The following PARD3B variants were observed in gnomAD, a reference collection of about 807,000 sequenced individuals.
PARD3B encodes par-3 family cell polarity regulator beta.
PARD3B carries 103 observed loss-of-function variants against 130.2 expected under a neutral mutation model. That is an observed-to-expected ratio of 0.79 (90% CI 0.67 to 0.93). The LOEUF (loss-of-function observed/expected upper bound fraction) is 0.93. PARD3B is among the 40% of genes least tolerant of loss of function. The pLI is 0.00. For synonymous variants in PARD3B, 583 were observed against 553.2 expected (o/e 1.05, Z -0.76); for missense variants, 1,609 against 1,499.2 (o/e 1.07, Z -1.21).
chr2:205,425,194 T>C (rs2047102537), intron 19 of PARD3B, among the ~76,000 whole-genome samples: 1 of 152,162 alleles, frequency 6.6e-6, no homozygotes, highest in Non-Finnish European at 1.5e-5. Context: ...TCATAAGCAC[T>C]CTGTAGGTTG....
intron 3 of PARD3B, among the ~76,000 whole-genome samples, chr2:205,039,887 G>A (rs1282245955): frequency 6.6e-6 from 1 of 152,222 alleles, no homozygotes; most frequent in Non-Finnish European, 1.5e-5. Context: ...TGTCAGGTGA[G>A]TAAAACTAGA....
intron 2 of PARD3B, among the ~76,000 whole-genome samples, chr2:204,750,840 T>C (rs1044858719): frequency 1.2e-4 from 18 of 152,182 alleles, no homozygotes; most frequent in African/African-American, 4.1e-4. Flanking sequence ...TTATATAATA[T>C]CTTCATCAGA....
At chr2:204,728,649 G>C (rs2039346962) in intron 2 of PARD3B, among the ~76,000 whole-genome samples, 1 of 152,104 alleles carries the variant, frequency 6.6e-6, no homozygotes, top group South Asian at 2.1e-4. Context: ...TTCTAGTTAG[G>C]TGGGACAGTA....
chr2:204,556,503 C>T (rs775606395), intron 1 of PARD3B, among the ~76,000 whole-genome samples: 1 of 152,102 alleles, frequency 6.6e-6, no homozygotes, highest in African/African-American at 2.4e-5. Flanking sequence ...AAAGAGAAGA[C>T]ACTAAAGCCG....
intron 2 of PARD3B, among the ~76,000 whole-genome samples, chr2:204,915,815 A>T (rs982366944): frequency 6.6e-6 from 1 of 152,226 alleles, no homozygotes; most frequent in African/African-American, 2.4e-5. Flanking sequence ...TCACTGATGC[A>T]TATTAATGAC....
intron 3 of PARD3B, among the ~76,000 whole-genome samples, chr2:204,997,267 A>T (rs1694306586): frequency 6.6e-6 from 1 of 152,222 alleles, no homozygotes; most frequent in Non-Finnish European, 1.5e-5. Flanking sequence ...CTGGCCGGTT[A>T]AATTTCAGAA....
chr2:204,792,880 C>T (rs1041509236), intron 2 of PARD3B, among the ~76,000 whole-genome samples: 1 of 151,906 alleles, frequency 6.6e-6, no homozygotes, highest in Non-Finnish European at 1.5e-5. Context: ...GGTTACTGAA[C>T]ATAATAATAA....
chr2:204,588,950 GT>G (rs1392708266), intron 1 of PARD3B, among the ~76,000 whole-genome samples: 1 of 151,810 alleles, frequency 6.6e-6, no homozygotes, highest in Non-Finnish European at 1.5e-5. Context: ...TATGGCCTTG[GT>G]TTTCTTTCTT....
chr2:205,222,944 A>C (rs2038321208), intron 15 of PARD3B, among the ~76,000 whole-genome samples: 1 of 152,342 alleles, frequency 6.6e-6, no homozygotes, highest in Middle Eastern at 3.4e-3. Flanking sequence ...GTAAAATGCT[A>C]TCTTTGCCTT....
chr2:205,462,450 A>G (rs377682521), intron 20 of PARD3B, among the ~76,000 whole-genome samples: 1 of 152,198 alleles, frequency 6.6e-6, no homozygotes, highest in Non-Finnish European at 1.5e-5. Flanking sequence ...CAGATATAAT[A>G]TAACTGAAAT....
At chr2:204,651,164 C>G (rs955360799) in intron 1 of PARD3B, among the ~76,000 whole-genome samples, 1 of 152,154 alleles carries the variant, frequency 6.6e-6, no homozygotes, top group Non-Finnish European at 1.5e-5. Context: ...CAATAGTCCC[C>G]CAAAGTCTTA....
At chr2:205,198,892 C>A (rs929628373) in intron 15 of PARD3B, among the ~76,000 whole-genome samples, 2 of 151,626 alleles carry the variant, frequency 1.3e-5, no homozygotes, top group Non-Finnish European at 2.9e-5. Context: ...CCATGGATTT[C>A]TTTTATTGTC....
intron 2 of PARD3B, among the ~76,000 whole-genome samples, chr2:204,901,710 T>A (rs1025506759): frequency 6.6e-6 from 1 of 151,988 alleles, no homozygotes; most frequent in African/African-American, 2.4e-5. Flanking sequence ...GGGTCACACC[T>A]GAAGCCAGCA....
chr2:205,521,460 A>C (rs1575236692), intron 21 of PARD3B, among the ~76,000 whole-genome samples: 2 of 151,860 alleles, frequency 1.3e-5, no homozygotes, highest in East Asian at 1.9e-4. Context: ...GATACCTTAG[A>C]GCTTAAGGAC....
intron 19 of PARD3B, among the ~76,000 whole-genome samples, chr2:205,414,273 A>G (rs1441297023): frequency 6.6e-6 from 1 of 152,160 alleles, no homozygotes; most frequent in East Asian, 1.9e-4. Flanking sequence ...CTGCAATTAC[A>G]TGTCTTTTCT....
chr2:204,929,663 A>G (rs1412158865), intron 2 of PARD3B, among the ~76,000 whole-genome samples: 1 of 152,026 alleles, frequency 6.6e-6, no homozygotes, highest in Non-Finnish European at 1.5e-5. Flanking sequence ...GTGATCAACC[A>G]AGTGAGAAGC....
At chr2:205,159,062 A>C (rs1412739930) in intron 11 of PARD3B, among the ~76,000 whole-genome samples, 155 bp downstream of exon 11, 1 of 152,220 alleles carries the variant, frequency 6.6e-6, no homozygotes. Flanking sequence ...GATCTGGGAA[A>C]TAACTGGCTG....
intron 15 of PARD3B, among the ~76,000 whole-genome samples, chr2:205,235,755 T>C (rs1242726264): frequency 6.6e-6 from 1 of 152,212 alleles, no homozygotes; most frequent in Non-Finnish European, 1.5e-5. Flanking sequence ...GAATTTTCCA[T>C]TTAATATTTT....
chr2:205,208,775 G>A (rs1295116581), intron 15 of PARD3B, among the ~76,000 whole-genome samples: 7 of 145,348 alleles, frequency 4.8e-5, no homozygotes, highest in East Asian at 2.0e-4. Context: ...AATCAATATC[G>A]TGAAAATGGC....
Sources: gnomAD v4.1 joint callset for allele counts (sites outside exome capture counted in the v4.1 genomes callset) on GRCh38, gnomAD v4.1.1 for gene constraint, MANE v1.5 for transcripts, NCBI Gene and HGNC (gene_info 2026-07-23, HGNC 2026-07-21) for gene names.